Variants in RIMKLB observed in about 807,000 individuals in gnomAD.
The protein encoded by RIMKLB is ribosomal modification protein rimK like family member B.
RIMKLB carries 7 observed loss-of-function variants against 32.0 expected under a neutral mutation model. That is an observed-to-expected ratio of 0.22 (90% CI 0.12 to 0.41). The LOEUF (loss-of-function observed/expected upper bound fraction) is 0.41. Among genes scored for constraint, RIMKLB ranks in the 10% least tolerant of loss-of-function variants. The probability of loss-of-function intolerance (pLI) is 1.00; values close to 1 mark genes in which losing one functional copy is unlikely to be tolerated. For synonymous variants in RIMKLB, 172 were observed against 185.1 expected (o/e 0.93, Z 0.57); for missense variants, 289 against 498.7 (o/e 0.58, Z 4.00).
At chr12:8,677,150 G>A (rs1591584428), upstream of RIMKLB, among the ~76,000 whole-genome samples, 2 of 152,142 alleles carry the variant, frequency 1.3e-5, no homozygotes, top group African/African-American at 2.4e-5. Flanking sequence ...ACCACCTGTA[G>A]TACAGGAAAA....
At position 8,774,777 on chromosome 12, in the gene RIMKLB, G is replaced by A. The variant is rs1045527145; in HGVS notation, c.*993G>A. ...AAGGACAAGGAAAAATATTTTTGGG[G>A]GCAAATCAAGAGCCTATGAGTTCTA... On this transcript the variant is annotated 3_prime_UTR_variant, in exon 6 of 6. Transcript: ENST00000535829. 2 of 985,228 alleles carry A rather than the reference G, an allele frequency of 2.0e-6. No individual in the cohort carries two copies. The highest frequency in any genetic ancestry group is 3.5e-5 in the African/African-American group (2 of 57,128). The allele number at this position is 985,228 out of a possible 1,614,324, so 61.0% of individuals were successfully genotyped here.
chr12:8,723,982 AGTTTTGTTTTGTTTT>A (rs75784732), intron 2 of RIMKLB, among the ~76,000 whole-genome samples: 42 of 150,938 alleles, frequency 2.8e-4, no homozygotes, highest in Middle Eastern at 3.4e-3. Context: ...TGCCTGGCTA[AGTTTTGTTTTGTTTT>A]GTTTTGTTTT....
intron 5 of RIMKLB, among the ~76,000 whole-genome samples, chr12:8,768,405 G>A (rs1159579086): frequency 6.6e-6 from 1 of 152,206 alleles, no homozygotes; most frequent in Admixed American, 6.5e-5. Context: ...GTGTGCAGTT[G>A]CATGATTTAA....
intron 2 of RIMKLB, among the ~76,000 whole-genome samples, chr12:8,743,659 G>C (rs924575332): frequency 6.6e-6 from 1 of 151,778 alleles, no homozygotes; most frequent in South Asian, 2.1e-4. Context: ...TCAGATCAGA[G>C]CATAATCAGC....
intron 1 of RIMKLB, chr12:8,699,979 C>T (rs1342343640): frequency 6.6e-6 from 1 of 152,230 alleles, no homozygotes; most frequent in Admixed American, 6.5e-5. Flanking sequence ...AGCTAAAATT[C>T]TACTTATCTT....
intron 2 of RIMKLB, among the ~76,000 whole-genome samples, chr12:8,729,843 C>G (rs1437966055): frequency 1.3e-5 from 2 of 152,162 alleles, no homozygotes; most frequent in African/African-American, 4.8e-5. Flanking sequence ...AGGGTTTCAA[C>G]TTTCCACATC....
chr12:8,755,823 A>G (rs1358921966), intron 5 of RIMKLB, among the ~76,000 whole-genome samples: 1 of 152,130 alleles, frequency 6.6e-6, no homozygotes, highest in African/African-American at 2.4e-5. Flanking sequence ...AGCCTGGGCA[A>G]TCGAGGGAGA....
intron 1 of RIMKLB, among the ~76,000 whole-genome samples, chr12:8,707,594 G>A (rs933612363): frequency 2.0e-5 from 3 of 152,138 alleles, no homozygotes; most frequent in African/African-American, 7.2e-5. Flanking sequence ...TTGACTGTTA[G>A]CCCGTCTCCC....
intron 1 of RIMKLB, among the ~76,000 whole-genome samples, chr12:8,689,032 C>T (rs1046797254): frequency 6.6e-6 from 1 of 152,160 alleles, no homozygotes; most frequent in South Asian, 2.1e-4. Flanking sequence ...GACAGGGTTT[C>T]GCCATGTTGG....
At chr12:8,747,382 C>T (rs907855515) in intron 2 of RIMKLB, among the ~76,000 whole-genome samples, 1 of 151,974 alleles carries the variant, frequency 6.6e-6, no homozygotes, top group African/African-American at 2.4e-5. Context: ...TTGAATTGTC[C>T]TTTCTCTCTT....
At chr12:8,735,209 A>G (rs1196677624) in intron 2 of RIMKLB, among the ~76,000 whole-genome samples, 1 of 152,182 alleles carries the variant, frequency 6.6e-6, no homozygotes, top group African/African-American at 2.4e-5. Flanking sequence ...TCAGGCAGCA[A>G]TATTTATCAA....
At chr12:8,707,011 AGG>A (rs976216874) in intron 1 of RIMKLB, among the ~76,000 whole-genome samples, 22 of 152,322 alleles carry the variant, frequency 1.4e-4, no homozygotes, top group African/African-American at 5.1e-4. Flanking sequence ...ACAGAAAAAG[AGG>A]CTTGATAGCA....
At chr12:8,684,085 G>A (rs1473493145) in intron 1 of RIMKLB, among the ~76,000 whole-genome samples, 1 of 152,044 alleles carries the variant, frequency 6.6e-6, no homozygotes, top group African/African-American at 2.4e-5. Flanking sequence ...TTATGAATTT[G>A]AGTTCTCAAT....
chr12:8,762,207 G>A (rs1262129569), intron 5 of RIMKLB, among the ~76,000 whole-genome samples: 1 of 152,158 alleles, frequency 6.6e-6, no homozygotes, highest in South Asian at 2.1e-4. Flanking sequence ...GAGGTGCAGC[G>A]AGAGTGAAAG....
intron 5 of RIMKLB, among the ~76,000 whole-genome samples, chr12:8,758,460 T>G (rs939499540): frequency 6.6e-6 from 1 of 152,172 alleles, no homozygotes; most frequent in Non-Finnish European, 1.5e-5. Flanking sequence ...CTGTCAGTTA[T>G]ATGAATTGTA....
At chr12:8,756,891 C>A (rs1949084755) in intron 5 of RIMKLB, among the ~76,000 whole-genome samples, 1 of 151,758 alleles carries the variant, frequency 6.6e-6, no homozygotes, top group Non-Finnish European at 1.5e-5. Context: ...GGGGTTTCAC[C>A]ATGTTGACCA....
At chr12:8,669,839 A>G in the RIMKLB span, among the ~76,000 whole-genome samples, 3 of 151,770 alleles carry the variant, frequency 2.0e-5, no homozygotes, top group Admixed American at 1.3e-4. Flanking sequence ...CATCCTGGCT[A>G]ACACAGTGAA....
chr12:8,750,408 T>G (rs1948517533), intron 3 of RIMKLB, among the ~76,000 whole-genome samples: 1 of 152,222 alleles, frequency 6.6e-6, no homozygotes, highest in Admixed American at 6.5e-5. Context: ...AGTAGCTTTG[T>G]TCCGATGAAA....
intron 4 of RIMKLB, among the ~76,000 whole-genome samples, chr12:8,753,672 A>C (rs1336056471): frequency 6.6e-6 from 1 of 152,316 alleles, no homozygotes; most frequent in East Asian, 1.9e-4. Context: ...TTAGTTTGTC[A>C]TGAAAGAGTT....
Sources: gnomAD v4.1 joint callset for allele counts (sites outside exome capture counted in the v4.1 genomes callset) on GRCh38, gnomAD v4.1.1 for gene constraint, MANE v1.5 for transcripts, NCBI Gene and HGNC (gene_info 2026-07-23, HGNC 2026-07-21) for gene names.